VNN1: variants seen among roughly 807,000 people sequenced by gnomAD.
VNN1 encodes the protein pantetheinase.
VNN1 carries 29 observed loss-of-function variants against 41.9 expected under a neutral mutation model. The observed-to-expected ratio is 0.69, with a 90% CI of 0.52 to 0.94. VNN1 has a LOEUF of 0.94. Among genes scored for constraint, VNN1 ranks in the 40% least tolerant of loss-of-function variants. VNN1 has a pLI of 0.00. For missense variants in VNN1, 637 were observed against 621.1 expected (o/e 1.03, Z -0.27); for synonymous variants, 233 against 224.4 (o/e 1.04, Z -0.34).
chr6:132,710,592 A>C (rs1215673249), intron 2 of VNN1, among the ~76,000 whole-genome samples: 1 of 152,088 alleles, frequency 6.6e-6, no homozygotes, highest in Non-Finnish European at 1.5e-5. Context: ...CTCGTTGTTC[A>C]ACTCCCACTT....
chr6:132,706,395 T>C (rs1455601476), intron 2 of VNN1, among the ~76,000 whole-genome samples: 1 of 152,086 alleles, frequency 6.6e-6, no homozygotes, highest in Non-Finnish European at 1.5e-5. Context: ...GCCAAGAGCA[T>C]ATATTGGGGA....
intron 2 of VNN1, among the ~76,000 whole-genome samples, chr6:132,704,828 C>T (rs781604847): frequency 3.3e-5 from 5 of 151,298 alleles, no homozygotes; most frequent in Non-Finnish European, 7.4e-5. Flanking sequence ...GAAAAATAAA[C>T]TCAGAGATGA....
intron 2 of VNN1, among the ~76,000 whole-genome samples, chr6:132,695,669 C>T (rs1476815340): frequency 6.6e-6 from 1 of 152,048 alleles, no homozygotes; most frequent in Non-Finnish European, 1.5e-5. Context: ...TATTTATTTT[C>T]TCTTTTTCTC....
chr6:132,708,970 T>G (rs1047278987), intron 2 of VNN1, among the ~76,000 whole-genome samples: 1 of 152,194 alleles, frequency 6.6e-6, no homozygotes, highest in Non-Finnish European at 1.5e-5. Context: ...TCCTTCAGCC[T>G]GGAATGCACT....
intron 5 of VNN1, among the ~76,000 whole-genome samples, chr6:132,684,721 TAA>T (rs370634739): frequency 2.0e-5 from 3 of 148,664 alleles, no homozygotes; most frequent in Non-Finnish European, 4.5e-5. Context: ...TAGATGCTCT[TAA>T]AAAAAAAACA....
chr6:132,683,350 G>C, intron 6 of VNN1, 28 bp from the exon 7 acceptor site: 1 of 1,591,566 alleles, frequency 6.3e-7, no homozygotes, highest in Non-Finnish European at 8.5e-7. Flanking sequence ...GTAGGCAAAG[G>C]CTACCTTCAA....
At chr6:132,713,716 G>C in intron 1 of VNN1, 110 bp downstream of exon 1, 2 of 1,209,364 alleles carry the variant, frequency 1.7e-6, no homozygotes, top group Non-Finnish European at 2.3e-6. Flanking sequence ...TGGCTACTCT[G>C]ATACATATAT....
intron 2 of VNN1, 47 bp downstream of exon 2, chr6:132,711,662 A>G: frequency 6.3e-7 from 1 of 1,588,496 alleles, no homozygotes; most frequent in Non-Finnish European, 8.6e-7. Context: ...TCCCAGGTAA[A>G]TCAAGTTGAT....
chr6:132,696,965 C>T lies in VNN1; in HGVS notation c.342-2783G>A, dbSNP rs555549360. Reference sequence around the variant, plus strand: ...CTAAAAATACAAAAAATTAGCCAGGCGTGGTGGCAGGTGCCTGTAGTTCCA... The same window carrying T: ...CTAAAAATACAAAAAATTAGCCAGGTGTGGTGGCAGGTGCCTGTAGTTCCA... On this transcript the variant is annotated intron_variant, in intron 2 of 6. Transcript: ENST00000367928. 2.6e-5 allele frequency among the ~76,000 whole-genome samples: 4 copies of T among 152,022 alleles called. No individual in the cohort carries two copies. The South Asian group carries it at 6.2e-4, about 24-fold the overall frequency.
Position 132,692,462 on chromosome 6 carries a change from T to G in VNN1, c.949A>C (p.Thr317Pro), listed in dbSNP as rs770626236. 5 of 1,613,934 alleles carry G rather than the reference T, an allele frequency of 3.1e-6. No homozygotes were observed. The highest frequency in any genetic ancestry group is 3.4e-6 in the Non-Finnish European group (4 of 1,180,034). Reference protein sequence around the residue: ...HPSHSAVVNWTSYASSIEALS... With the variant: ...HPSHSAVVNWPSYASSIEALS... ...GCTTCTATACTGCTGGCATAGGAAG[T>G]CCAGTTCACCACTGCAGAATGGGAT... The change falls in exon 5 of 7, where the codon ACT becomes CCT. Residue 317 changes from threonine to proline, a missense_variant. By Grantham distance (38) the Thr-to-Pro change is conservative. Transcript: ENST00000367928.
At position 132,687,389 on chromosome 6, in the gene VNN1, AG is replaced by A. The variant is rs564376490; in HGVS notation, c.1189-2885del. On this transcript the variant is annotated intron_variant, in intron 5 of 6. Transcript: ENST00000367928. ...CCGGAAACTGTTAACAACAAGAAAG[AG>A]GGCACAAGCCCAAAACAAGGAAGAC... is the stretch of plus-strand genomic sequence containing the variant. Among the ~76,000 whole-genome samples, 97 of 152,364 alleles carry A rather than the reference AG, an allele frequency of 6.4e-4. 1 individual carries two copies. The Middle Eastern group carries it at 0.014, about 21-fold the overall frequency.
At chr6:132,692,934 A>G (rs899839601) in intron 4 of VNN1, 90 bp downstream of exon 4, 1 of 1,365,754 alleles carries the variant, frequency 7.3e-7, no homozygotes, top group African/African-American at 1.5e-5. Flanking sequence ...ACATTGTATT[A>G]AGGAGTATGC....
chr6:132,711,783 C>T lies in VNN1; in HGVS notation c.267G>A (p.Arg89=). The stretch of plus-strand genomic sequence containing the variant: ...CCTCCAAATATGGGTAGAGAGAGTC[C>T]CTGTTGAAGTTCCAGCCATAAATAG... The part of the protein sequence containing the change: ...EDAIYGWNFN[R]DSLYPYLEDI... Residue 89 remains arginine (R), a synonymous_variant, in exon 2 of 7, where the codon AGG becomes AGA. Coordinates refer to ENST00000367928, the MANE Select transcript of VNN1 (RefSeq NM_004666.3). 1 of 1,613,752 alleles carries T rather than the reference C, an allele frequency of 6.2e-7. No individual in the cohort carries two copies. Among genetic ancestry groups the T allele is most frequent in the East Asian group, 2.2e-5 (1 of 44,872 alleles).
At chr6:132,708,578 T>G (rs967433070) in intron 2 of VNN1, among the ~76,000 whole-genome samples, 8 of 152,214 alleles carry the variant, frequency 5.3e-5, no homozygotes, top group Non-Finnish European at 7.3e-5. Flanking sequence ...TAAGATGAGA[T>G]CTGATTCTAT....
At chr6:132,698,542 C>T (rs559663694) in intron 2 of VNN1, among the ~76,000 whole-genome samples, 3 of 152,294 alleles carry the variant, frequency 2.0e-5, no homozygotes, top group Non-Finnish European at 2.9e-5. Flanking sequence ...TCTGAAATAA[C>T]AGTATGAAAT....
At chr6:132,702,371 G>C (rs1778459302) in intron 2 of VNN1, among the ~76,000 whole-genome samples, 1 of 152,176 alleles carries the variant, frequency 6.6e-6, no homozygotes, top group South Asian at 2.1e-4. Flanking sequence ...ACTCCACCCT[G>C]TCCATTAAAA....
chr6:132,693,658 A>G (rs909155859), intron 3 of VNN1, among the ~76,000 whole-genome samples: 1 of 152,222 alleles, frequency 6.6e-6, no homozygotes, highest in Admixed American at 6.5e-5. Context: ...GACAGAGTCT[A>G]TGTGGTAAGC....
chr6:132,682,216 T>A lies in VNN1; in HGVS notation c.*924A>T, dbSNP rs893647391. On this transcript the variant is annotated 3_prime_UTR_variant, in exon 7 of 7. Coordinates refer to ENST00000367928, the MANE Select transcript of VNN1 (RefSeq NM_004666.3). ...TCAGCAATCCTTCTCTAAGAGTGTC[T>A]ATTGGAGTCTTGAGGACCCAGACCA... 4 of 152,220 alleles carry A rather than the reference T, an allele frequency of 2.6e-5. No homozygotes were observed. Among genetic ancestry groups the A allele is most frequent in the Non-Finnish European group, 5.9e-5 (4 of 68,036 alleles). The allele number at this position is 152,220 out of a possible 1,614,324, so 9.4% of individuals were successfully genotyped here. A position where few individuals can be genotyped will look rare whatever the true frequency, so the allele number is the denominator to read the frequency against.
At chr6:132,695,220 G>A (rs1372902663) in intron 2 of VNN1, among the ~76,000 whole-genome samples, 1 of 152,116 alleles carries the variant, frequency 6.6e-6, no homozygotes, top group African/African-American at 2.4e-5. Context: ...AGATAGCAGA[G>A]CAGGGAATTT....
Sources: allele counts gnomAD v4.1 joint callset (sites outside exome capture counted in the v4.1 genomes callset), GRCh38; gene constraint gnomAD v4.1.1; transcripts MANE v1.5; gene names NCBI Gene and HGNC (gene_info 2026-07-23, HGNC 2026-07-21).